RHPN2: variants seen among roughly 807,000 people sequenced by gnomAD.
RHPN2 encodes rhophilin-2.
Under a neutral mutation model 79.0 loss-of-function variants are expected in RHPN2, and 40 were observed. The ratio of observed to expected loss-of-function variants is 0.51; its 90% confidence interval spans 0.39 to 0.66. The LOEUF is 0.66. RHPN2 is among the 30% of genes least tolerant of loss of function. RHPN2 has a pLI of 0.00. For synonymous variants in RHPN2, 285 were observed against 363.5 expected (o/e 0.78, Z 2.46); for missense variants, 686 against 883.5 (o/e 0.78, Z 2.83).
At chr19:33,038,814 C>G (rs1369709618) in intron 2 of RHPN2, among the ~76,000 whole-genome samples, 3 of 152,140 alleles carry the variant, frequency 2.0e-5, no homozygotes, top group Non-Finnish European at 4.4e-5. Flanking sequence ...TGTGCCACCA[C>G]GCGTGGCTAA....
At chr19:33,047,360 A>G (rs1972150042) in intron 1 of RHPN2, among the ~76,000 whole-genome samples, 1 of 152,146 alleles carries the variant, frequency 6.6e-6, no homozygotes, top group Non-Finnish European at 1.5e-5. Flanking sequence ...GTGTTCTCTG[A>G]CCATTGTGCC....
At chr19:32,993,435 C>G (rs1272879628) in intron 12 of RHPN2, among the ~76,000 whole-genome samples, 1 of 152,156 alleles carries the variant, frequency 6.6e-6, no homozygotes, top group Admixed American at 6.5e-5. Flanking sequence ...GATCGCACCA[C>G]TGCACTCCAG....
intron 2 of RHPN2, among the ~76,000 whole-genome samples, chr19:33,034,177 A>G (rs1972035707): frequency 6.6e-6 from 1 of 150,430 alleles, no homozygotes; most frequent in African/African-American, 2.4e-5. Flanking sequence ...TTTTTGATTT[A>G]AGATTTGCCA....
intron 1 of RHPN2, among the ~76,000 whole-genome samples, chr19:33,045,027 C>G (rs1382483103): frequency 2.0e-5 from 3 of 152,184 alleles, no homozygotes; most frequent in African/African-American, 7.2e-5. Flanking sequence ...ACCGCTTTCC[C>G]CCTCACTGTT....
intron 10 of RHPN2, among the ~76,000 whole-genome samples, chr19:32,998,150 C>T (rs1971717965): frequency 6.6e-6 from 1 of 152,156 alleles, no homozygotes; most frequent in South Asian, 2.1e-4. Flanking sequence ...CTCTGGGTCT[C>T]AGTTTCCTCA....
At chr19:33,026,142 C>G (rs2145249888) in intron 3 of RHPN2, among the ~76,000 whole-genome samples, 1 of 152,064 alleles carries the variant, frequency 6.6e-6, no homozygotes, top group South Asian at 2.1e-4. Context: ...TGTGCACCAC[C>G]ACGCCTGGCT....
rs1599810465 is a variant in RHPN2 at position 32,996,727 on chromosome 19, T to C, written c.1226-507A>G. 3.3e-5 allele frequency among the ~76,000 whole-genome samples: 5 copies of C among 152,030 alleles called. No individual in the cohort carries two copies. In the South Asian group the frequency reaches 1.0e-3, roughly 32 times the overall value. Reference sequence around the variant, plus strand: ...AAACCCCCCTCCCCTATTTAGACCATAGTATAAAAGAAAATCTAGCCCCTT... The same window carrying C: ...AAACCCCCCTCCCCTATTTAGACCACAGTATAAAAGAAAATCTAGCCCCTT... On this transcript the variant is annotated intron_variant, in intron 10 of 14. Transcript: ENST00000254260.
chr19:32,997,868 G>A (rs1971715299), intron 10 of RHPN2, among the ~76,000 whole-genome samples: 1 of 152,178 alleles, frequency 6.6e-6, no homozygotes, highest in Admixed American at 6.6e-5. Context: ...GAGGGCCCTG[G>A]GGCAGGGGCA....
chr19:32,985,478 A>G (rs1224334582), intron 14 of RHPN2, among the ~76,000 whole-genome samples: 1 of 152,180 alleles, frequency 6.6e-6, no homozygotes, highest in Non-Finnish European at 1.5e-5. Flanking sequence ...TCTACAAAAA[A>G]TACGAAAAAT....
At chr19:33,049,133 T>C (rs930490662) in intron 1 of RHPN2, among the ~76,000 whole-genome samples, 1 of 152,062 alleles carries the variant, frequency 6.6e-6, no homozygotes, top group African/African-American at 2.4e-5. Flanking sequence ...TCCTGACAGG[T>C]AGGAATGTTG....
intron 3 of RHPN2, among the ~76,000 whole-genome samples, chr19:33,023,768 C>G (rs8109845): frequency 0.51 from 73,129 of 144,776 alleles, 22,815 homozygotes; most frequent in African/African-American, 0.86. Flanking sequence ...CTGGGCGACA[C>G]AGTGAGACTC....
At chr19:33,002,753 T>G (rs1453471232) in intron 8 of RHPN2, 60 bp downstream of exon 8, 1 of 1,586,190 alleles carries the variant, frequency 6.3e-7, no homozygotes, top group African/African-American at 1.3e-5. Context: ...CTACTTCCAG[T>G]GCTCCTGTGC....
intron 1 of RHPN2, among the ~76,000 whole-genome samples, chr19:33,058,725 A>G (rs1972254549): frequency 6.6e-6 from 1 of 152,194 alleles, no homozygotes; most frequent in Admixed American, 6.6e-5. Context: ...GGTTGCAGTG[A>G]GCCAAGATCC....
intron 11 of RHPN2, among the ~76,000 whole-genome samples, chr19:32,995,447 C>T (rs1971693122): frequency 6.6e-6 from 1 of 152,108 alleles, no homozygotes; most frequent in African/African-American, 2.4e-5. Flanking sequence ...CCACTGACAG[C>T]TACATACCCC....
In RHPN2 at chr19:33,018,595, A is replaced by C. The variant is rs150657640; in HGVS notation, c.390+2976T>G. On this transcript the variant is annotated intron_variant, in intron 4 of 14. Transcript: ENST00000254260. ...AGTAAACTTGAGTCCTGAAACATTCAGAATACCAACTTCCCTTCTCCAATT... is the reference window on the plus strand; with the variant it reads ...AGTAAACTTGAGTCCTGAAACATTCCGAATACCAACTTCCCTTCTCCAATT... Among the ~76,000 whole-genome samples, 418 of 152,304 alleles carry C rather than the reference A, an allele frequency of 2.7e-3. 4 individuals carry two copies. Among genetic ancestry groups the C allele is most frequent in the African/African-American group, 9.5e-3 (394 of 41,570 alleles).
intron 12 of RHPN2, among the ~76,000 whole-genome samples, chr19:32,993,033 G>A (rs967454298): frequency 3.3e-5 from 5 of 151,892 alleles, no homozygotes; most frequent in Non-Finnish European, 5.9e-5. Flanking sequence ...CAGGAGGATC[G>A]CTTGAGCCCA....
Position 32,994,405 on chromosome 19 carries a change from A to G in RHPN2, c.1421-352T>C, listed in dbSNP as rs1427112010. On this transcript the variant is annotated intron_variant, in intron 11 of 14. Coordinates refer to ENST00000254260, the MANE Select transcript of RHPN2 (RefSeq NM_033103.5). ...AGTCAGACTCCGGGGGGAAAAAAAA[A>G]GTGATCCTTGGGAAGGAGACAGTAC... Among the ~76,000 whole-genome samples the G allele has an allele frequency of 4.1e-5, 6 of 146,642 alleles. No individual in the cohort carries two copies. In the East Asian group the frequency reaches 1.2e-3, roughly 30 times the overall value.
chr19:33,064,864 G>A lies in RHPN2; in HGVS notation c.-12C>T. The A allele has an allele frequency of 1.3e-6, 2 of 1,499,498 alleles. No homozygotes were observed. Among genetic ancestry groups the A allele is most frequent in the East Asian group, 2.7e-5 (1 of 36,552 alleles). The allele number at this position is 1,499,498 out of a possible 1,614,324, so 92.9% of individuals were successfully genotyped here. On this transcript the variant is annotated 5_prime_UTR_variant, in exon 1 of 15. Transcript: ENST00000254260. ...AGCGCGTCGGTCATGCTAGCGGCGCGGGCGCGGAGGGCGGACGGCGGACTG... is the reference window on the plus strand; with the variant it reads ...AGCGCGTCGGTCATGCTAGCGGCGCAGGCGCGGAGGGCGGACGGCGGACTG...
chr19:33,043,596 G>T (rs1972118283), intron 2 of RHPN2, among the ~76,000 whole-genome samples: 1 of 152,158 alleles, frequency 6.6e-6, no homozygotes, highest in South Asian at 2.1e-4. Flanking sequence ...ATGGTCTCCA[G>T]TAGAACTCTG....
Sources: allele counts gnomAD v4.1 joint callset (sites outside exome capture counted in the v4.1 genomes callset), GRCh38; gene constraint gnomAD v4.1.1; transcripts MANE v1.5; gene names NCBI Gene and HGNC (gene_info 2026-07-23, HGNC 2026-07-21).